The following C14orf39 variants were observed in gnomAD, a reference collection of about 807,000 sequenced individuals.
The protein encoded by C14orf39 is protein SIX6OS1.
In C14orf39, 66 loss-of-function variants were observed where a neutral mutation model predicts 85.6. The ratio of observed to expected loss-of-function variants is 0.77; its 90% CI spans 0.63 to 0.95. C14orf39 has a LOEUF of 0.95. Ranked by LOEUF, C14orf39 falls within the 40% of genes least tolerant of loss-of-function variation. The pLI is 0.00. For synonymous variants in C14orf39, 242 were observed against 214.0 expected, an observed-to-expected ratio of 1.13 and a Z score of -1.14; for missense variants, 735 against 663.9, an observed-to-expected ratio of 1.11 and a Z score of -1.18.
intron 9 of C14orf39, among the ~76,000 whole-genome samples, chr14:60,467,410 G>A (rs1045042963): frequency 6.6e-6 from 1 of 151,736 alleles, no homozygotes; most frequent in Non-Finnish European, 1.5e-5. Context: ...GACATATTCA[G>A]AAATAAATCA....
At chr14:60,497,728 A>T (rs995390290) in intron 2 of C14orf39, among the ~76,000 whole-genome samples, 6 of 152,018 alleles carry the variant, frequency 3.9e-5, no homozygotes, top group South Asian at 4.1e-4. Context: ...CTATTTTTTT[A>T]AAAATTAGTT....
intron 5 of C14orf39, among the ~76,000 whole-genome samples, chr14:60,476,393 T>C (rs1251426042): frequency 2.6e-5 from 4 of 152,170 alleles, no homozygotes; most frequent in African/African-American, 9.7e-5. Context: ...AGCAATACTG[T>C]TTTTCATGAA....
intron 1 of C14orf39, chr14:60,509,375 C>T (rs1240873007): frequency 1.3e-6 from 2 of 1,596,054 alleles, no homozygotes; most frequent in Admixed American, 1.7e-5. Flanking sequence ...GCTCAGTGCC[C>T]TCGCCGCCGC....
At chr14:60,440,379 T>C (rs566991403) in intron 17 of C14orf39, among the ~76,000 whole-genome samples, 1 of 152,318 alleles carries the variant, frequency 6.6e-6, no homozygotes, top group South Asian at 2.1e-4. Context: ...TCCAAGTTAT[T>C]CATGTCAAAA....
intron 2 of C14orf39, chr14:60,494,829 A>G: frequency 6.5e-6 from 1 of 152,830 alleles, no homozygotes; most frequent in Non-Finnish European, 1.5e-5. Context: ...TTCTAGGGGG[A>G]GGTGCAAGGA....
rs991990123 is a variant in C14orf39 at position 60,496,032 on chromosome 14, T to G, written c.-9+3264A>C. 1.1e-4 allele frequency: 73 copies of G among 679,104 alleles called. No homozygotes were observed. The Admixed American group carries it at 1.4e-3, about 13-fold the overall frequency. 42.1% of individuals were successfully genotyped at this position (679,104 alleles called of 1,614,324 possible). A position where few individuals can be genotyped will look rare whatever the true frequency, so the allele number is the denominator to read the frequency against. On this transcript the variant is annotated intron_variant, in intron 2 of 5. Coordinates refer to the C14orf39 transcript ENST00000556799. ...CAAAGAGCTAGTTGTGAAAGGGATTTTGGCATGAGGTAGCTTGGCTTGTTT... is the reference window on the plus strand; with the variant it reads ...CAAAGAGCTAGTTGTGAAAGGGATTGTGGCATGAGGTAGCTTGGCTTGTTT...
intron 16 of C14orf39, among the ~76,000 whole-genome samples, chr14:60,443,375 G>A (rs897914392): frequency 5.3e-5 from 8 of 152,192 alleles, no homozygotes; most frequent in Middle Eastern, 3.2e-3. Context: ...ATTCCCTCCC[G>A]TGCCTGGCTC....
rs558300978 is a variant in C14orf39 at position 60,436,129 on chromosome 14, T to C, written c.*716A>G. The C allele has an allele frequency of 1.3e-5, 2 of 152,196 alleles. No individual in the cohort carries two copies. The allele number at this position is 152,196 out of a possible 1,614,324, so 9.4% of individuals were successfully genotyped here. A position where few individuals can be genotyped will look rare whatever the true frequency, so the allele number is the denominator to read the frequency against. On this transcript the variant is annotated 3_prime_UTR_variant, in exon 18 of 18. Coordinates refer to ENST00000321731, the MANE Select transcript of C14orf39 (RefSeq NM_174978.3). ...ACAAAACATAAAGAAGAAATTTTTG[T>C]TATTGAAGGAGACAAAATTGTAAAT...
chr14:60,483,930 T>C (rs895358953), intron 3 of C14orf39, 113 bp from the exon 4 acceptor site: 14 of 697,008 alleles, frequency 2.0e-5, no homozygotes, highest in Non-Finnish European at 2.7e-5. Context: ...AGCCAGAGAA[T>C]GGAGAGGAAA....
In C14orf39 at chr14:60,477,564, G is replaced by C. The variant is rs376011348; in HGVS notation, c.323+736C>G. Among the ~76,000 whole-genome samples the C allele has an allele frequency of 3.3e-5, 5 of 152,020 alleles. No homozygotes were observed. The East Asian group carries it at 9.7e-4, about 29-fold the overall frequency. On this transcript the variant is annotated intron_variant, in intron 5 of 17. Coordinates refer to ENST00000321731, the MANE Select transcript of C14orf39 (RefSeq NM_174978.3). ...AATAAAATAAATTCATACAATTATT[G>C]GTGTTTCTCTATTAGAATATAACCA...
chr14:60,442,768 T>C (rs910682518), intron 16 of C14orf39, among the ~76,000 whole-genome samples: 1 of 152,202 alleles, frequency 6.6e-6, no homozygotes, highest in African/African-American at 2.4e-5. Flanking sequence ...GAATAAACAC[T>C]GTTATGCACA....
intron 14 of C14orf39, 49 bp from the exon 15 acceptor site, chr14:60,457,144 A>C (rs1426775499): frequency 8.2e-7 from 1 of 1,221,424 alleles, no homozygotes. Context: ...CTGCTGCATT[A>C]ATGACATACA....
chr14:60,512,380 A>G (rs1192992518), intron 1 of C14orf39: 1 of 152,246 alleles, frequency 6.6e-6, no homozygotes, highest in African/African-American at 2.4e-5. Flanking sequence ...CATATACTGC[A>G]TTTAGGATTG....
chr14:60,469,591 G>A lies in C14orf39; in HGVS notation c.617C>T (p.Ser206Leu), dbSNP rs1324638684. The A allele has an allele frequency of 6.6e-7, 1 of 1,517,884 alleles. No homozygotes were observed. Among genetic ancestry groups the A allele is most frequent in the Non-Finnish European group, 8.9e-7 (1 of 1,124,900 alleles). 94.0% of individuals were successfully genotyped at this position (1,517,884 alleles called of 1,614,324 possible). A position where few individuals can be genotyped will look rare whatever the true frequency, so the allele number is the denominator to read the frequency against. The change falls in exon 8 of 18, where the codon TCA becomes TTA. Residue 206 changes from serine to leucine, a missense_variant. Transcript: ENST00000321731. ...LKHASNLTKS[S>L]SELKKEVDEM... The stretch of plus-strand genomic sequence containing the variant: ...ATCTACTTCTTTCTTCAATTCGGAT[G>A]AACTTTTGGTAAGATTGCTGGCATG...
intron 4 of C14orf39, among the ~76,000 whole-genome samples, chr14:60,481,010 T>G (rs544524225): frequency 1.3e-4 from 20 of 152,134 alleles, no homozygotes; most frequent in African/African-American, 4.8e-4. Flanking sequence ...AAAGTTTAAG[T>G]TGGAGTGGAG....
At chr14:60,497,080 C>T (rs1383094892) in intron 2 of C14orf39, among the ~76,000 whole-genome samples, 2 of 152,186 alleles carry the variant, frequency 1.3e-5, no homozygotes, top group African/African-American at 2.4e-5. Flanking sequence ...ACTAACTCTA[C>T]CTTCCTCTGC....
At chr14:60,504,196 T>G (rs998166521) in intron 1 of C14orf39, among the ~76,000 whole-genome samples, 1 of 152,276 alleles carries the variant, frequency 6.6e-6, no homozygotes, top group African/African-American at 2.4e-5. Context: ...GTGACTGTAT[T>G]TTTTATAATG....
chr14:60,459,517 A>G (rs1328198987), intron 13 of C14orf39, among the ~76,000 whole-genome samples: 1 of 151,744 alleles, frequency 6.6e-6, no homozygotes, highest in African/African-American at 2.4e-5. Flanking sequence ...CCAGGAAATC[A>G]TTCATTATCA....
At chr14:60,511,253 G>A (rs2140189817) in intron 1 of C14orf39, 3 of 1,613,434 alleles carry the variant, frequency 1.9e-6, no homozygotes, top group East Asian at 4.5e-5. Context: ...CGACATCTGA[G>A]TTGCCCATCC....
Sources: gnomAD v4.1 joint callset for allele counts (sites outside exome capture counted in the v4.1 genomes callset) on GRCh38, gnomAD v4.1.1 for gene constraint, MANE v1.5 for transcripts, NCBI Gene and HGNC (gene_info 2026-07-23, HGNC 2026-07-21) for gene names.